Variants in CDCA2 observed in about 807,000 individuals in gnomAD.
The protein encoded by CDCA2 is cell division cycle-associated protein 2.
A neutral mutation model predicts 67.0 loss-of-function variants in CDCA2; 44 were observed. The observed-to-expected ratio is 0.66, with a 90% CI of 0.52 to 0.84. CDCA2 has a LOEUF of 0.84. Ranked by LOEUF, CDCA2 falls within the 40% of genes least tolerant of loss-of-function variation. CDCA2 has a pLI of 0.00. For synonymous variants in CDCA2, 447 were observed against 418.7 expected, an observed-to-expected ratio of 1.07 and a Z score of -0.82; for missense variants, 1,253 against 1,203.2, an observed-to-expected ratio of 1.04 and a Z score of -0.61.
intron 14 of CDCA2, 127 bp from the exon 15 acceptor site, chr8:25,506,383 A>G: frequency 1.3e-6 from 1 of 778,384 alleles, no homozygotes; most frequent in Non-Finnish European, 2.0e-6. Flanking sequence ...GCACAGTGTA[A>G]CATTTGTGGG....
chr8:25,502,901 A>C (rs186974300), intron 13 of CDCA2, among the ~76,000 whole-genome samples: 1 of 152,270 alleles, frequency 6.6e-6, no homozygotes, highest in African/African-American at 2.4e-5. Flanking sequence ...CCTACCCTCG[A>C]TTTAGATGCT....
rs1250073973 is a variant in CDCA2 at position 25,506,535 on chromosome 8, G to A, written c.1869G>A (p.Leu623=). 6.3e-7 allele frequency: 1 copy of A among 1,577,806 alleles called. No homozygotes were observed. The highest frequency in any genetic ancestry group is 2.0e-5 in the Admixed American group (1 of 49,684). ...GTTATTTCAGTTCAAATGGCAAACT[G>A]GAAGAAGTGAAGACTCCTAAAAATC... ...GSGYFSSNGK[L]EEVKTPKNPV... The change falls in exon 15 of 15, where the codon CTG becomes CTA. Residue 623 remains leucine, a synonymous_variant. Transcript: ENST00000330560.
chr8:25,506,914 T>G lies in CDCA2; in HGVS notation c.2248T>G (p.Cys750Gly). 6.2e-7 allele frequency: 1 copy of G among 1,612,750 alleles called. No homozygotes were observed. The highest frequency in any genetic ancestry group is 8.5e-7 in the Non-Finnish European group (1 of 1,179,386). ...TGGTGGTCAAAATGCAGAAAACCTT[T>G]GTCAGTTCTTTAAAATTTCACCAGA... ...SAGGQNAENL[C>G]QFFKISPDLN... Residue 750 changes from cysteine to glycine, a missense_variant, in exon 15 of 15, where the codon TGT becomes GGT. Coordinates refer to ENST00000330560, the MANE Select transcript of CDCA2 (RefSeq NM_152562.4).
At chr8:25,502,412 C>A (rs941691801) in intron 13 of CDCA2, among the ~76,000 whole-genome samples, 4 of 151,824 alleles carry the variant, frequency 2.6e-5, no homozygotes, top group African/African-American at 9.7e-5. Context: ...AATGTAATAC[C>A]CCATTCCGGA....
chr8:25,466,915 G>T (rs936896760), intron 5 of CDCA2, among the ~76,000 whole-genome samples: 2 of 151,824 alleles, frequency 1.3e-5, no homozygotes, highest in African/African-American at 2.4e-5. Context: ...GGTGACACAT[G>T]CCTGTAACTC....
intron 14 of CDCA2, among the ~76,000 whole-genome samples, chr8:25,504,242 A>T (rs1224279767): frequency 6.6e-6 from 1 of 152,028 alleles, no homozygotes; most frequent in East Asian, 1.9e-4. Flanking sequence ...CTGGTTTCTA[A>T]TGCCCAAATT....
chr8:25,462,973 C>T (rs568981283), intron 4 of CDCA2, among the ~76,000 whole-genome samples: 14 of 152,258 alleles, frequency 9.2e-5, no homozygotes, highest in African/African-American at 2.4e-4. Context: ...TCAACCCAAA[C>T]GAGGGTATTT....
intron 7 of CDCA2, 135 bp from the exon 8 acceptor site, chr8:25,479,778 A>C (rs1803494347): frequency 1.3e-6 from 1 of 751,084 alleles, no homozygotes; most frequent in African/African-American, 1.8e-5. Flanking sequence ...CCCAGACGTT[A>C]CTGCCCAATC....
chr8:25,461,327 G>A (rs964563118), intron 3 of CDCA2, among the ~76,000 whole-genome samples: 4 of 149,500 alleles, frequency 2.7e-5, no homozygotes, highest in Admixed American at 2.7e-4. Context: ...AATGTCCTTC[G>A]AGCAGTAGAA....
chr8:25,491,491 G>A (rs931656023), intron 13 of CDCA2, among the ~76,000 whole-genome samples: 9 of 152,086 alleles, frequency 5.9e-5, no homozygotes, highest in African/African-American at 1.2e-4. Flanking sequence ...AGCAATAGCC[G>A]GAAAGCTACA....
chr8:25,484,854 G>T (rs1803707091), intron 10 of CDCA2, among the ~76,000 whole-genome samples: 1 of 152,060 alleles, frequency 6.6e-6, no homozygotes, highest in African/African-American at 2.4e-5. Flanking sequence ...CAAATTGAAG[G>T]GGTAGGTTAA....
intron 7 of CDCA2, among the ~76,000 whole-genome samples, chr8:25,478,888 G>GTATATATATATATATATATATA (rs71511103): frequency 2.1e-4 from 23 of 111,590 alleles, no homozygotes; most frequent in African/African-American, 8.7e-4. Flanking sequence ...TTGTGTGTGT[G>GTATATATATATATATATATATA]TATATATATA....
Position 25,485,790 on chromosome 8 carries a change from C to A in CDCA2, c.1397C>A (p.Ala466Asp). ...ENIEPLQVSF[A>D]VLSSPNKSSI... ...ATAGAACCACTTCAAGTATCATTTG[C>A]CGTTCTCAGTTCTCCTAATAAATCA... The change falls in exon 11 of 15, where the codon GCC becomes GAC. Residue 466 changes from alanine to aspartate, a missense_variant. By Grantham distance (126) the Ala-to-Asp change is moderately radical. Transcript: ENST00000330560. 1 of 1,607,194 alleles carries A rather than the reference C, an allele frequency of 6.2e-7. No homozygotes were observed. The highest frequency in any genetic ancestry group is 1.1e-5 in the South Asian group (1 of 90,012).
intron 7 of CDCA2, among the ~76,000 whole-genome samples, chr8:25,475,090 T>A (rs962931615): frequency 6.6e-6 from 1 of 152,180 alleles, no homozygotes; most frequent in African/African-American, 2.4e-5. Context: ...CATGGGTAAT[T>A]GCTGACCTAC....
intron 7 of CDCA2, among the ~76,000 whole-genome samples, chr8:25,479,200 C>A (rs913472097): frequency 3.9e-5 from 6 of 151,994 alleles, no homozygotes; most frequent in African/African-American, 1.2e-4. Flanking sequence ...TGGTTCTGTC[C>A]TGAGGATCCT....
Position 25,504,287 on chromosome 8 carries a change from ATT to A in CDCA2, c.1843+759_1843+760del, listed in dbSNP as rs200400976. On this transcript the variant is annotated intron_variant, in intron 14 of 14. Transcript: ENST00000330560. ...CTGAATCTTGCTGAAAATAATAATGATTTTTTTTTTTTTTTTTAATTTTTAGT... is the reference window on the plus strand; with the variant it reads ...CTGAATCTTGCTGAAAATAATAATGATTTTTTTTTTTTTTTAATTTTTAGT... Among the ~76,000 whole-genome samples the A allele has an allele frequency of 1.3e-3, 181 of 142,296 alleles. 1 individual carries two copies. Among genetic ancestry groups the A allele is most frequent in the South Asian group, 5.4e-3 (24 of 4,438 alleles). The allele number at this position is 142,296 out of a possible 152,430, so 93.4% of individuals were successfully genotyped here. A position where few individuals can be genotyped will look rare whatever the true frequency, so the allele number is the denominator to read the frequency against.
At chr8:25,506,198 A>G (rs1327988792) in intron 14 of CDCA2, among the ~76,000 whole-genome samples, 2 of 152,184 alleles carry the variant, frequency 1.3e-5, no homozygotes, top group East Asian at 1.9e-4. Flanking sequence ...CCTCATACTC[A>G]TGGACCTTGT....
At chr8:25,487,079 AAC>A (rs942464144) in intron 11 of CDCA2, among the ~76,000 whole-genome samples, 165 bp from the exon 12 acceptor site, 10 of 15,754 alleles carry the variant, frequency 6.3e-4, no homozygotes, top group African/African-American at 9.1e-4. Flanking sequence ...AATTTTTTAA[AAC>A]AAAAAAAAAA....
At chr8:25,466,730 C>T (rs1168767413) in intron 5 of CDCA2, among the ~76,000 whole-genome samples, 1 of 151,994 alleles carries the variant, frequency 6.6e-6, no homozygotes, top group African/African-American at 2.4e-5. Flanking sequence ...GTACCAAACA[C>T]CCAACCCTGA....
Sources: gnomAD v4.1 joint callset for allele counts (sites outside exome capture counted in the v4.1 genomes callset) on GRCh38, gnomAD v4.1.1 for gene constraint, MANE v1.5 for transcripts, NCBI Gene and HGNC (gene_info 2026-07-23, HGNC 2026-07-21) for gene names.